ZNF784: variants seen among roughly 807,000 people sequenced by gnomAD.
The protein encoded by ZNF784 is zinc finger protein 784.
Under a neutral mutation model 3.3 loss-of-function variants are expected in ZNF784, and 5 were observed. The observed-to-expected ratio is 1.53, with a 90% CI of 0.80 to 3.22. ZNF784 has a LOEUF of 3.22. ZNF784 is among the 30% of genes most tolerant of loss of function. The probability of loss-of-function intolerance (pLI) is 0.00; values close to 1 mark genes in which losing one functional copy is unlikely to be tolerated. For missense variants in ZNF784, 501 were observed against 480.7 expected (o/e 1.04, Z -0.39); for synonymous variants, 231 against 219.6 (o/e 1.05, Z -0.46).
rs970905137 is a variant in ZNF784 at position 55,621,349 on chromosome 19, C to A, written c.*402G>T. Reference sequence around the variant, plus strand: ...GACCAGAGCAGAAGACTATGGTGGACCCCAATTCCCCCCTTCCATTCGATC... The same window carrying A: ...GACCAGAGCAGAAGACTATGGTGGAACCCAATTCCCCCCTTCCATTCGATC... On this transcript the variant is annotated 3_prime_UTR_variant, in exon 2 of 2. Transcript: ENST00000325351. This position sits in a 1 kb window ranked among gnomAD's most constrained non-coding sequence, Gnocchi z 4.1. 21 of 305,038 alleles carry A rather than the reference C, an allele frequency of 6.9e-5. No homozygotes were observed. The highest frequency in any genetic ancestry group is 1.3e-4 in the Non-Finnish European group (21 of 158,758). The allele number at this position is 305,038 out of a possible 1,614,324, so 18.9% of individuals were successfully genotyped here.
chr19:55,624,018 C>A (rs1981655229), intron 1 of ZNF784, among the ~76,000 whole-genome samples: 1 of 152,142 alleles, frequency 6.6e-6, no homozygotes, highest in African/African-American at 2.4e-5. Context: ...ATTCGAGAAG[C>A]ATCACTAAGA....
At chr19:55,623,224 G>A (rs1956755079) in intron 1 of ZNF784, among the ~76,000 whole-genome samples, 1 of 152,148 alleles carries the variant, frequency 6.6e-6, no homozygotes. Flanking sequence ...AATGTAGAGG[G>A]AGTCCCACTA....
rs545897942 is a variant in ZNF784 at position 55,624,095 on chromosome 19, T to C, written c.78+389A>G. Among the ~76,000 whole-genome samples the C allele has an allele frequency of 1.1e-3, 174 of 152,020 alleles. 1 individual carries two copies. The highest frequency in any genetic ancestry group is 5.3e-4 in the Non-Finnish European group (36 of 67,970). ...TCATAATCCCCCACGTTTTTCAGGG[T>C]CACCTTCCCAACCTTCTACCCTAGA... On this transcript the variant is annotated intron_variant, in intron 1 of 1. Transcript: ENST00000325351.
At position 55,621,933 on chromosome 19, in the gene ZNF784, A is replaced by C; in HGVS notation, c.790T>G (p.Ser264Ala). Residue 264 changes from serine (S) to alanine (A), a missense_variant, in exon 2 of 2, where the codon TCC becomes GCC. Transcript: ENST00000325351. The surrounding 1 kb of genome is among the most constrained non-coding windows in gnomAD (Gnocchi z 4.1). ...CGCTGGTGCTTGCGGAAGTTGGAGG[A>C]GTTGTTGAAGGTGCGGTCGCAGAGC... ...CTLCDRTFNN[S>A]SNFRKHQRTH... is the part of the protein sequence containing the mutation. 1.3e-6 allele frequency: 2 copies of C among 1,595,758 alleles called. No homozygotes were observed. The highest frequency in any genetic ancestry group is 1.7e-6 in the Non-Finnish European group (2 of 1,177,150).
rs939380885 is a variant in ZNF784 at position 55,622,687 on chromosome 19, C to T, written c.79-43G>A. The T allele has an allele frequency of 3.2e-5, 47 of 1,468,088 alleles. No individual in the cohort carries two copies. The highest frequency in any genetic ancestry group is 3.7e-4 in the Middle Eastern group (2 of 5,388). The allele number at this position is 1,468,088 out of a possible 1,614,324, so 90.9% of individuals were successfully genotyped here. A position where few individuals can be genotyped will look rare whatever the true frequency, so the allele number is the denominator to read the frequency against. On this transcript the variant is annotated intron_variant, in intron 1 of 1. Transcript: ENST00000325351. This position sits in a 1 kb window ranked among gnomAD's most constrained non-coding sequence, Gnocchi z 5.9. ...AAAGAGGAGCCTGTGGAACCTGCCT[C>T]AGGACCGCCCCAGCACGCCCCAATT...
Position 55,622,078 on chromosome 19 carries a change from C to T in ZNF784, c.645G>A (p.Glu215=). 3 of 1,581,058 alleles carry T rather than the reference C, an allele frequency of 1.9e-6. No individual in the cohort carries two copies. The highest frequency in any genetic ancestry group is 2.6e-6 in the Non-Finnish European group (3 of 1,171,706). Residue 215 remains glutamate, a synonymous_variant, in exon 2 of 2, where the codon GAG becomes GAA. Coordinates refer to ENST00000325351, the MANE Select transcript of ZNF784 (RefSeq NM_203374.2). The surrounding 1 kb of genome is among the most constrained non-coding windows in gnomAD (Gnocchi z 5.9). ...ATGGCCGCTCGCCAGTGTGCACGCG[C>T]TCGTGGTCTCGCATGTCTGAGGAGC... is the stretch of plus-strand genomic sequence containing the variant. ...FRRSSDMRDH[E]RVHTGERPYH...
intron 1 of ZNF784, among the ~76,000 whole-genome samples, chr19:55,624,268 C>T (rs1384413556): frequency 6.8e-6 from 1 of 148,016 alleles, no homozygotes; most frequent in Non-Finnish European, 1.5e-5. Flanking sequence ...AGGCCCCGCC[C>T]ACCACCCATA....
chr19:55,622,630 A>G lies in ZNF784; in HGVS notation c.93T>C (p.Asp31=). Residue 31 remains aspartate, a synonymous_variant, in exon 2 of 2, where the codon GAT becomes GAC. Transcript: ENST00000325351. This position sits in a 1 kb window ranked among gnomAD's most constrained non-coding sequence, Gnocchi z 5.9. ...TCGGGGGTGTGCCAGGCCGGCAGTC[A>G]TCAGGCACCAGGACCTGGGCAAGAG... is the stretch of plus-strand genomic sequence containing the variant. ...QEPLDLVLVP[D]DCRPGTPPSD... The G allele has an allele frequency of 6.4e-7, 1 of 1,560,234 alleles. No homozygotes were observed. The highest frequency in any genetic ancestry group is 8.7e-7 in the Non-Finnish European group (1 of 1,151,688).
chr19:55,622,648 G>C lies in ZNF784; in HGVS notation c.79-4C>G. The C allele has an allele frequency of 2.0e-6, 3 of 1,534,130 alleles. No homozygotes were observed. Among genetic ancestry groups the C allele is most frequent in the Non-Finnish European group, 1.8e-6 (2 of 1,140,556 alleles). On this transcript the variant is annotated splice_region_variant and splice_polypyrimidine_tract_variant and intron_variant, in intron 1 of 1. Coordinates refer to ENST00000325351, the MANE Select transcript of ZNF784 (RefSeq NM_203374.2). This position sits in a 1 kb window ranked among gnomAD's most constrained non-coding sequence, Gnocchi z 5.9. ...GGCAGTCATCAGGCACCAGGACCTG[G>C]GCAAGAGGAGAAGAAAGAGGAGCCT... is the stretch of plus-strand genomic sequence containing the variant.
intron 1 of ZNF784, among the ~76,000 whole-genome samples, chr19:55,624,012 G>C (rs553811097): frequency 5.3e-5 from 8 of 151,990 alleles, no homozygotes; most frequent in Non-Finnish European, 7.4e-5. Flanking sequence ...TTGGGCATTC[G>C]AGAAGCATCA....
Position 55,622,643 on chromosome 19 carries a change from A to G in ZNF784, c.80T>C (p.Val27Ala). The G allele has an allele frequency of 1.9e-6, 3 of 1,545,648 alleles. No individual in the cohort carries two copies. Among genetic ancestry groups the G allele is most frequent in the Non-Finnish European group, 2.6e-6 (3 of 1,145,230 alleles). Reference protein sequence around the residue: ...ESRSQEPLDLVLVPDDCRPGT... With the variant: ...ESRSQEPLDLALVPDDCRPGT... ...AGGCCGGCAGTCATCAGGCACCAGG[A>G]CCTGGGCAAGAGGAGAAGAAAGAGG... Residue 27 changes from valine (V) to alanine (A), a missense_variant and splice_region_variant, in exon 2 of 2, where the codon GTC becomes GCC. Coordinates refer to ENST00000325351, the MANE Select transcript of ZNF784 (RefSeq NM_203374.2). The surrounding 1 kb of genome is among the most constrained non-coding windows in gnomAD (Gnocchi z 5.9).
In ZNF784 at chr19:55,620,809, C is replaced by G. The variant is rs1177060373; in HGVS notation, c.*942G>C. ...ACACCTCCAGCTCCCAAGTCCTCCT[C>G]TCGCCCCCACCACAGTGACTCTTTC... On this transcript the variant is annotated 3_prime_UTR_variant, in exon 2 of 2. Transcript: ENST00000325351. The G allele has an allele frequency of 6.5e-6, 1 of 152,760 alleles. No individual in the cohort carries two copies. Among genetic ancestry groups the G allele is most frequent in the African/African-American group, 2.4e-5 (1 of 41,442 alleles). The allele number at this position is 152,760 out of a possible 1,614,324, so 9.5% of individuals were successfully genotyped here.
Position 55,622,209 on chromosome 19 carries a change from G to T in ZNF784, c.514C>A (p.Pro172Thr), listed in dbSNP as rs2123600929. 2 of 1,534,428 alleles carry T rather than the reference G, an allele frequency of 1.3e-6. No individual in the cohort carries two copies. The highest frequency in any genetic ancestry group is 1.4e-5 in the African/African-American group (1 of 73,056). ...PDTAAVAEQRPGVAPERAEVV... is the reference protein window; with the variant it reads ...PDTAAVAEQRTGVAPERAEVV... ...TCCGCCCTCTCCGGGGCCACCCCGGGCCTCTGTTCTGCAACGGCCGCTGTG... is the reference window on the plus strand; with the variant it reads ...TCCGCCCTCTCCGGGGCCACCCCGGTCCTCTGTTCTGCAACGGCCGCTGTG... The change falls in exon 2 of 2, where the codon CCC (proline) becomes ACC (threonine). Residue 172 changes from proline to threonine, a missense_variant. Pro to Thr is a conservative substitution (Grantham distance 38). Transcript: ENST00000325351. This position sits in a 1 kb window ranked among gnomAD's most constrained non-coding sequence, Gnocchi z 5.9.
At chr19:55,624,413 CGG>C in intron 1 of ZNF784, 69 bp downstream of exon 1, 1 of 1,432,854 alleles carries the variant, frequency 7.0e-7, no homozygotes, top group South Asian at 1.3e-5. Flanking sequence ...GGCCACGCCC[CGG>C]ACCCGCCCCC....
In ZNF784 at chr19:55,621,999, G is replaced by C; in HGVS notation, c.724C>G (p.His242Asp). Residue 242 changes from histidine to aspartate, a missense_variant, in exon 2 of 2, where the codon CAC becomes GAC. His to Asp is a moderately conservative substitution (Grantham distance 81). Coordinates refer to ENST00000325351, the MANE Select transcript of ZNF784 (RefSeq NM_203374.2). This position sits in a 1 kb window ranked among gnomAD's most constrained non-coding sequence, Gnocchi z 4.1. Reference sequence around the variant, plus strand: ...CGCTCGCCAGTGTGGATGCGGGCGTGGCCGCTAAGCACCGAGGACTGGGTG... The same window carrying C: ...CGCTCGCCAGTGTGGATGCGGGCGTCGCCGCTAAGCACCGAGGACTGGGTG... ...GFTQSSVLSG[H>D]ARIHTGERPF... 1 of 1,594,474 alleles carries C rather than the reference G, an allele frequency of 6.3e-7. No homozygotes were observed. Among genetic ancestry groups the C allele is most frequent in the Non-Finnish European group, 8.5e-7 (1 of 1,178,102 alleles).
intron 1 of ZNF784, among the ~76,000 whole-genome samples, chr19:55,623,353 G>A (rs1981635538): frequency 6.6e-6 from 1 of 152,160 alleles, no homozygotes; most frequent in African/African-American, 2.4e-5. Context: ...GGATTCTGTT[G>A]TATCCTCATC....
Position 55,620,954 on chromosome 19 carries a change from AG to A in ZNF784, c.*796del, listed in dbSNP as rs1450471286. ...GAGTGGAGGAAATTAGAGAAACCTG[AG>A]GCTACCTTGAGGCTTGTGGGGGACC... On this transcript the variant is annotated 3_prime_UTR_variant, in exon 2 of 2. Transcript: ENST00000325351. 2 of 152,590 alleles carry A rather than the reference AG, an allele frequency of 1.3e-5. No individual in the cohort carries two copies. Among genetic ancestry groups the A allele is most frequent in the Non-Finnish European group, 2.9e-5 (2 of 68,140 alleles). 9.5% of individuals were successfully genotyped at this position (152,590 alleles called of 1,614,324 possible). A position where few individuals can be genotyped will look rare whatever the true frequency, so the allele number is the denominator to read the frequency against.
Position 55,622,113 on chromosome 19 carries a change from G to A in ZNF784, c.610C>T (p.Pro204Ser), listed in dbSNP as rs763165240. Residue 204 changes from proline (P) to serine (S), a missense_variant, in exon 2 of 2, where the codon CCC (proline) becomes TCC (serine). Coordinates refer to ENST00000325351, the MANE Select transcript of ZNF784 (RefSeq NM_203374.2). This position sits in a 1 kb window ranked among gnomAD's most constrained non-coding sequence, Gnocchi z 5.9. ...CGCATGTCTGAGGAGCGGCGGAAGG[G>A]CTTGGCGCAGAACCTGCAGGCAAAA... ...KPFACRFCAK[P>S]FRRSSDMRDH... 14 of 1,555,440 alleles carry A rather than the reference G, an allele frequency of 9.0e-6. No individual in the cohort carries two copies. The highest frequency in any genetic ancestry group is 1.1e-5 in the Non-Finnish European group (13 of 1,157,894).
chr19:55,623,325 C>T (rs1264491340), intron 1 of ZNF784, among the ~76,000 whole-genome samples: 11 of 152,244 alleles, frequency 7.2e-5, no homozygotes, highest in Non-Finnish European at 1.0e-4. Context: ...TGAGCCGCCG[C>T]GCCCGGCCCA....
Sources: gnomAD v4.1 joint callset for allele counts (sites outside exome capture counted in the v4.1 genomes callset) on GRCh38, gnomAD v4.1.1 for gene constraint, Gnocchi (gnomAD v3.1) non-coding constraint, MANE v1.5 for transcripts, NCBI Gene and HGNC (gene_info 2026-07-23, HGNC 2026-07-21) for gene names.